RBFOX1: variants seen among roughly 807,000 people sequenced by gnomAD.
RBFOX1 encodes RNA binding protein fox-1 homolog 1.
In RBFOX1, 8 loss-of-function variants were observed where a neutral mutation model predicts 57.7. The observed-to-expected ratio is 0.14, with a 90% CI of 0.08 to 0.25. The LOEUF (loss-of-function observed/expected upper bound fraction) is 0.25, where lower values mean the gene tolerates loss of function less well. Among genes scored for constraint, RBFOX1 ranks in the 10% least tolerant of loss-of-function variants. The pLI is 1.00. For missense variants in RBFOX1, 611 were observed against 548.5 expected, an observed-to-expected ratio of 1.11 and a Z score of -1.14; for synonymous variants, 326 against 222.4, an observed-to-expected ratio of 1.47 and a Z score of -4.15.
intron 4 of RBFOX1, among the ~76,000 whole-genome samples, chr16:7,377,566 GAA>G (rs1022397821): frequency 6.6e-6 from 1 of 152,158 alleles, no homozygotes; most frequent in African/African-American, 2.4e-5. Context: ...TGCAGGGCAG[GAA>G]AAAATGTTTT....
chr16:7,311,092 C>T (rs1444398088), intron 4 of RBFOX1, among the ~76,000 whole-genome samples: 1 of 152,120 alleles, frequency 6.6e-6, no homozygotes, highest in African/African-American at 2.4e-5. Context: ...TTTCCATCTG[C>T]CAGATCAGCA....
rs533211051 is a variant in RBFOX1, at chr16:5,980,067, C to T, written c.351+112732C>T. On this transcript the variant is annotated intron_variant, in intron 4 of 19. Transcript: ENST00000641259. The stretch of plus-strand genomic sequence containing the variant: ...AAGTCTTCCAATCAGCTCCACCCTC[C>T]TCCCTCTCTCTAGGAACTTAGGCTC... Among the ~76,000 whole-genome samples the T allele has an allele frequency of 1.7e-3, 257 of 152,344 alleles. 1 individual carries two copies. The highest frequency in any genetic ancestry group is 3.2e-3 in the Non-Finnish European group (215 of 68,036).
intron 4 of RBFOX1, among the ~76,000 whole-genome samples, chr16:5,919,433 C>T (rs1032473944): frequency 6.6e-6 from 1 of 152,120 alleles, no homozygotes; most frequent in African/African-American, 2.4e-5. Context: ...ACTTCCTCCT[C>T]CTGGGTTCAA....
rs539547459 is a variant in RBFOX1, at chr16:6,783,870, G to C, written c.-16+129220G>C. ...CCTCAGGTTTTGTTTGTCTGAGAAAGTCTTTACTTCTCCACGTTTGAAGCA... is the reference window on the plus strand; with the variant it reads ...CCTCAGGTTTTGTTTGTCTGAGAAACTCTTTACTTCTCCACGTTTGAAGCA... On this transcript the variant is annotated intron_variant, in intron 3 of 15. Coordinates refer to ENST00000550418, the MANE Select transcript of RBFOX1 (RefSeq NM_018723.4). Among the ~76,000 whole-genome samples the C allele has an allele frequency of 3.9e-5, 6 of 152,184 alleles. No homozygotes were observed. In the South Asian group the frequency reaches 1.2e-3, roughly 32 times the overall value.
chr16:6,141,789 T>C (rs1459460284), intron 1 of RBFOX1, among the ~76,000 whole-genome samples: 2 of 152,096 alleles, frequency 1.3e-5, no homozygotes, highest in African/African-American at 4.8e-5. Context: ...GAACTCTTTT[T>C]TAAAAATCTG....
intron 1 of RBFOX1, among the ~76,000 whole-genome samples, chr16:5,383,372 C>G (rs2066176539): frequency 6.6e-6 from 1 of 152,168 alleles, no homozygotes; most frequent in South Asian, 2.1e-4. Flanking sequence ...ACTTTGCTTG[C>G]CAAAACTCAT....
At chr16:7,059,202 TCA>T (rs1193441280) in intron 4 of RBFOX1, among the ~76,000 whole-genome samples, 1 of 152,192 alleles carries the variant, frequency 6.6e-6, no homozygotes, top group Non-Finnish European at 1.5e-5. Context: ...CCGCTGTGTC[TCA>T]CCCCTCTCCA....
chr16:7,146,066 G>A (rs1464947579), intron 4 of RBFOX1, among the ~76,000 whole-genome samples: 2 of 152,184 alleles, frequency 1.3e-5, no homozygotes, highest in African/African-American at 2.4e-5. Context: ...TCTTTTGACT[G>A]TTCCAAATGG....
At chr16:5,287,470 A>G (rs62017172) in intron 1 of RBFOX1, among the ~76,000 whole-genome samples, 50,773 of 152,124 alleles carry the variant, frequency 0.33, 8,986 homozygotes, top group Admixed American at 0.47. Flanking sequence ...TAAAATCTAC[A>G]GAGATAAAGG....
chr16:7,309,530 A>G (rs573348568), intron 4 of RBFOX1, among the ~76,000 whole-genome samples: 1 of 152,304 alleles, frequency 6.6e-6, no homozygotes, highest in African/African-American at 2.4e-5. Context: ...GGCTGGAGAA[A>G]GTCTGTGTTA....
intron 3 of RBFOX1, among the ~76,000 whole-genome samples, chr16:6,906,064 C>A (rs1596768155): frequency 6.6e-6 from 1 of 152,122 alleles, no homozygotes; most frequent in Non-Finnish European, 1.5e-5. Flanking sequence ...GAGCTCATCT[C>A]CACCTGATAC....
chr16:6,529,779 C>G (rs148128955), intron 2 of RBFOX1, among the ~76,000 whole-genome samples: 6 of 152,176 alleles, frequency 3.9e-5, no homozygotes, highest in Admixed American at 3.9e-4. Context: ...TGTAGTAACA[C>G]TTGAGAATCT....
intron 2 of RBFOX1, among the ~76,000 whole-genome samples, chr16:6,650,664 TA>T (rs1288714114): frequency 6.6e-6 from 1 of 152,206 alleles, no homozygotes; most frequent in Non-Finnish European, 1.5e-5. Context: ...CTGTTCTACA[TA>T]AAACAAGATA....
intron 4 of RBFOX1, among the ~76,000 whole-genome samples, chr16:7,497,342 C>T (rs996246738): frequency 2.0e-5 from 3 of 152,212 alleles, no homozygotes; most frequent in South Asian, 4.1e-4. Flanking sequence ...CTTGAATTTG[C>T]ACCTAACTCA....
intron 1 of RBFOX1, among the ~76,000 whole-genome samples, chr16:5,387,864 C>T (rs551976091): frequency 1.3e-5 from 2 of 152,126 alleles, no homozygotes; most frequent in East Asian, 1.9e-4. Flanking sequence ...TTGATGTAAT[C>T]ATGAGAGTTC....
intron 2 of RBFOX1, among the ~76,000 whole-genome samples, chr16:5,478,565 G>A (rs2069411776): frequency 6.6e-6 from 1 of 152,200 alleles, no homozygotes; most frequent in Non-Finnish European, 1.5e-5. Flanking sequence ...CCTTATGAAT[G>A]CAGGATTAGA....
chr16:7,391,906 A>G (rs186175011), intron 4 of RBFOX1, among the ~76,000 whole-genome samples: 1 of 152,080 alleles, frequency 6.6e-6, no homozygotes, highest in African/African-American at 2.4e-5. Context: ...AGGGACAAGG[A>G]TATCAACTTG....
At chr16:5,506,275 T>G (rs1369053635) in intron 2 of RBFOX1, among the ~76,000 whole-genome samples, 1 of 152,208 alleles carries the variant, frequency 6.6e-6, no homozygotes. Context: ...CCAGCCACAT[T>G]TGCGAGAATA....
intron 3 of RBFOX1, among the ~76,000 whole-genome samples, chr16:6,827,086 A>G (rs1226599960): frequency 6.6e-6 from 1 of 152,190 alleles, no homozygotes; most frequent in Non-Finnish European, 1.5e-5. Context: ...CTTTGCACAT[A>G]CTTACCGAGT....
Sources: allele counts gnomAD v4.1 joint callset (sites outside exome capture counted in the v4.1 genomes callset), GRCh38; gene constraint gnomAD v4.1.1; transcripts MANE v1.5; gene names NCBI Gene and HGNC (gene_info 2026-07-23, HGNC 2026-07-21).